SOS2: variants seen among roughly 807,000 people sequenced by gnomAD.
SOS2 encodes the protein son of sevenless homolog 2.
SOS2 carries 65 observed loss-of-function variants against 148.2 expected under a neutral mutation model. The ratio of observed to expected loss-of-function variants is 0.44; its 90% CI spans 0.36 to 0.54. The LOEUF (loss-of-function observed/expected upper bound fraction) is 0.54. Among genes scored for constraint, SOS2 ranks in the 20% least tolerant of loss-of-function variants. SOS2 has a pLI of 0.00. For synonymous variants in SOS2, 539 were observed against 537.1 expected (o/e 1.00, Z -0.05); for missense variants, 1,341 against 1,590.2 (o/e 0.84, Z 2.67).
At chr14:50,165,992 T>A (rs569810844) in intron 8 of SOS2, among the ~76,000 whole-genome samples, 4 of 152,178 alleles carry the variant, frequency 2.6e-5, no homozygotes, top group Non-Finnish European at 5.9e-5. Context: ...TAATACCCCG[T>A]GGCTCTACCA....
At chr14:50,146,362 A>G (rs1305208116) in intron 14 of SOS2, among the ~76,000 whole-genome samples, 1 of 151,436 alleles carries the variant, frequency 6.6e-6, no homozygotes, top group Non-Finnish European at 1.5e-5. Flanking sequence ...AATTTATAAG[A>G]GCCAGGTGCA....
intron 7 of SOS2, among the ~76,000 whole-genome samples, chr14:50,175,803 T>C (rs1885503411): frequency 1.3e-5 from 2 of 152,154 alleles, no homozygotes; most frequent in Non-Finnish European, 2.9e-5. Context: ...ATATAAAATG[T>C]GAGAAAGAAT....
intron 7 of SOS2, among the ~76,000 whole-genome samples, chr14:50,177,952 T>A (rs537412064): frequency 6.6e-6 from 1 of 152,176 alleles, no homozygotes; most frequent in African/African-American, 2.4e-5. Context: ...GGCCTGGAAA[T>A]ACAAATAAGA....
At chr14:50,193,133 TA>T (rs1487884631) in intron 4 of SOS2, among the ~76,000 whole-genome samples, 6 of 152,040 alleles carry the variant, frequency 3.9e-5, no homozygotes, top group African/African-American at 9.7e-5. Context: ...ACCCAGCTAA[TA>T]TTTTTTTTAT....
At chr14:50,164,665 T>C (rs1285850326) in intron 8 of SOS2, among the ~76,000 whole-genome samples, 1 of 150,988 alleles carries the variant, frequency 6.6e-6, no homozygotes, top group Non-Finnish European at 1.5e-5. Context: ...AAAAGAAAAA[T>C]TACTGTACTG....
intron 4 of SOS2, among the ~76,000 whole-genome samples, chr14:50,196,319 T>G (rs1480804213): frequency 6.6e-6 from 1 of 152,184 alleles, no homozygotes; most frequent in Admixed American, 6.5e-5. Context: ...GGGTACATAG[T>G]AGGTGTATAT....
At chr14:50,214,427 C>G (rs1000118108) in intron 1 of SOS2, among the ~76,000 whole-genome samples, 1 of 151,948 alleles carries the variant, frequency 6.6e-6, no homozygotes, top group African/African-American at 2.4e-5. Flanking sequence ...CTCTTATACC[C>G]TGCACTTCTT....
At chr14:50,193,176 C>T (rs2060577297) in intron 4 of SOS2, among the ~76,000 whole-genome samples, 1 of 151,896 alleles carries the variant, frequency 6.6e-6, no homozygotes, top group African/African-American at 2.4e-5. Flanking sequence ...GCTATATTCC[C>T]CAGGGTATCT....
At chr14:50,124,744 A>C (rs1883631027) in intron 21 of SOS2, among the ~76,000 whole-genome samples, 1 of 152,210 alleles carries the variant, frequency 6.6e-6, no homozygotes. Flanking sequence ...GTTTCTTTAC[A>C]AGGTATACTT....
At chr14:50,231,738 C>G (rs1595045100), upstream of SOS2, among the ~76,000 whole-genome samples, 2 of 151,978 alleles carry the variant, frequency 1.3e-5, no homozygotes, top group Non-Finnish European at 2.9e-5. Flanking sequence ...CCCTCCCAGC[C>G]GACAGCGCCG....
chr14:50,176,915 C>T (rs993458943), intron 7 of SOS2, among the ~76,000 whole-genome samples: 1 of 152,144 alleles, frequency 6.6e-6, no homozygotes, highest in Non-Finnish European at 1.5e-5. Context: ...GAGGCTGAGG[C>T]AGGAGGACTC....
chr14:50,175,367 A>G (rs912207780), intron 7 of SOS2, among the ~76,000 whole-genome samples: 3 of 151,374 alleles, frequency 2.0e-5, no homozygotes, highest in Non-Finnish European at 4.4e-5. Flanking sequence ...TCATCCCCCT[A>G]TAACATTCTT....
intron 4 of SOS2, among the ~76,000 whole-genome samples, chr14:50,190,473 T>C (rs1025557981): frequency 6.6e-6 from 1 of 152,220 alleles, no homozygotes; most frequent in Non-Finnish European, 1.5e-5. Flanking sequence ...AAATATCTTA[T>C]AAGCATCTTT....
At position 50,206,512 on chromosome 14, in the gene SOS2, A is replaced by G. The variant is rs1410549108; in HGVS notation, c.88-2103T>C. On this transcript the variant is annotated intron_variant, in intron 1 of 22. Coordinates refer to ENST00000216373, the MANE Select transcript of SOS2 (RefSeq NM_006939.4). ...GTAAATGCTATGTAATAGTGGTTAT[A>G]TTGTATTGTTTAGGAAATAATGACA... is the stretch of plus-strand genomic sequence containing the variant. Among the ~76,000 whole-genome samples the G allele has an allele frequency of 3.3e-5, 5 of 152,256 alleles. No individual in the cohort carries two copies. In the South Asian group the frequency reaches 1.0e-3, roughly 31 times the overall value.
chr14:50,194,488 A>G (rs1348449877), intron 4 of SOS2, among the ~76,000 whole-genome samples: 4 of 114,736 alleles, frequency 3.5e-5, no homozygotes, highest in African/African-American at 6.9e-5. Flanking sequence ...TTTAAGATGG[A>G]GTATTGGCTG....
At chr14:50,186,521 C>T (rs979820358) in intron 5 of SOS2, among the ~76,000 whole-genome samples, 44 of 151,898 alleles carry the variant, frequency 2.9e-4, no homozygotes, top group African/African-American at 1.1e-3. Context: ...GTGGCTCAAG[C>T]CTGTAATCTT....
chr14:50,218,704 T>C (rs1188100978), intron 1 of SOS2, among the ~76,000 whole-genome samples: 1 of 152,210 alleles, frequency 6.6e-6, no homozygotes, highest in African/African-American at 2.4e-5. Flanking sequence ...ATTACACTGC[T>C]ATTAGAATGG....
intron 7 of SOS2, among the ~76,000 whole-genome samples, chr14:50,177,640 T>C (rs771674603): frequency 4.3e-4 from 66 of 152,234 alleles, no homozygotes; most frequent in Admixed American, 1.1e-3. Flanking sequence ...ATTTAATGCA[T>C]ACTTTATATG....
intron 4 of SOS2, among the ~76,000 whole-genome samples, chr14:50,189,736 G>A (rs1391334506): frequency 2.6e-5 from 4 of 152,134 alleles, no homozygotes; most frequent in South Asian, 2.1e-4. Flanking sequence ...TGCTTAAATT[G>A]TTGTAGCAAC....
Sources: allele counts gnomAD v4.1 joint callset (sites outside exome capture counted in the v4.1 genomes callset), GRCh38; gene constraint gnomAD v4.1.1; transcripts MANE v1.5; gene names NCBI Gene and HGNC (gene_info 2026-07-23, HGNC 2026-07-21).